The following KANK1 variants were observed in gnomAD, a reference collection of about 807,000 sequenced individuals.
KANK1 encodes KN motif and ankyrin repeat domains 1, also known as KN motif and ankyrin repeat domain-containing protein 1.
A neutral mutation model predicts 106.2 loss-of-function variants in KANK1; 109 were observed. That is an observed-to-expected ratio of 1.03 (90% confidence interval 0.88 to 1.20). The LOEUF (loss-of-function observed/expected upper bound fraction) is 1.20, where lower values mean the gene tolerates loss of function less well. KANK1 is among the 50% of genes most tolerant of loss of function. KANK1 has a pLI of 0.00. For missense variants in KANK1, 2,399 were observed against 1,710.7 expected, an observed-to-expected ratio of 1.40 and a Z score of -7.10; for synonymous variants, 873 against 652.2, an observed-to-expected ratio of 1.34 and a Z score of -5.16.
chr9:502,546 T>TTTTAGAC (rs1554722304), upstream of KANK1, among the ~76,000 whole-genome samples: 1 of 150,186 alleles, frequency 6.7e-6, no homozygotes, highest in African/African-American at 2.5e-5. Flanking sequence ...TTTTTTTTCT[T>TTTTAGAC]AGAGTCGTGC....
At chr9:507,446 A>G (rs116807930) in intron 1 of KANK1, among the ~76,000 whole-genome samples, 5,178 of 151,748 alleles carry the variant, frequency 0.034, 283 homozygotes, top group African/African-American at 0.12. Flanking sequence ...CTACAGTGCA[A>G]TGTCACAGTA....
intron 1 of KANK1, chr9:559,071 C>T (rs1157045199): frequency 6.6e-6 from 1 of 152,046 alleles, no homozygotes; most frequent in African/African-American, 2.4e-5. Context: ...ATTTTTTCAT[C>T]TTTATTTCTT....
In KANK1 at chr9:673,829, GC is replaced by G. The variant is rs1815796968; in HGVS notation, c.-83-3059del. 13 of 152,142 alleles carry G rather than the reference GC, an allele frequency of 8.5e-5. No individual in the cohort carries two copies. The South Asian group carries it at 2.7e-3, about 32-fold the overall frequency. 9.4% of individuals were successfully genotyped at this position (152,142 alleles called of 1,614,324 possible). ...AGGTTTTACATGGTGGTATTTACAA[GC>G]CGTTATGGAGCAAGAGTGCAAACAC... On this transcript the variant is annotated intron_variant, in intron 1 of 11. Coordinates refer to ENST00000382297, the MANE Select transcript of KANK1 (RefSeq NM_015158.5).
intron 1 of KANK1, among the ~76,000 whole-genome samples, chr9:544,133 A>C (rs887289835): frequency 6.6e-6 from 1 of 151,520 alleles, no homozygotes; most frequent in Non-Finnish European, 1.5e-5. Context: ...TGATCTTCCC[A>C]CCTCAGCCTC....
chr9:524,796 T>C (rs1310748133), intron 1 of KANK1, among the ~76,000 whole-genome samples: 1 of 151,234 alleles, frequency 6.6e-6, no homozygotes, highest in Non-Finnish European at 1.5e-5. Flanking sequence ...GGATTATGGG[T>C]GTGAGCCACC....
intron 1 of KANK1, among the ~76,000 whole-genome samples, chr9:671,793 C>T (rs1002125343): frequency 4.6e-5 from 7 of 151,506 alleles, no homozygotes; most frequent in Non-Finnish European, 1.0e-4. Context: ...ACTAAAAATG[C>T]AAAAATTAGC....
At chr9:693,036 T>G (rs1436151240) in intron 2 of KANK1, among the ~76,000 whole-genome samples, 1 of 152,050 alleles carries the variant, frequency 6.6e-6, no homozygotes, top group African/African-American at 2.4e-5. Context: ...GGTAATGAAT[T>G]TAAATCATTA....
chr9:644,514 C>T (rs778453960), intron 1 of KANK1, among the ~76,000 whole-genome samples: 1 of 151,074 alleles, frequency 6.6e-6, no homozygotes, highest in Non-Finnish European at 1.5e-5. Context: ...AAAGGGGAAG[C>T]AGGCACGTTT....
chr9:551,214 A>G (rs1286123308), intron 1 of KANK1, among the ~76,000 whole-genome samples: 2 of 151,434 alleles, frequency 1.3e-5, no homozygotes, highest in Non-Finnish European at 2.9e-5. Context: ...AAAAGTGGAA[A>G]GATGAAGAAT....
intron 10 of KANK1, among the ~76,000 whole-genome samples, chr9:743,976 T>G (rs1836453639): frequency 6.6e-6 from 1 of 152,220 alleles, no homozygotes; most frequent in Non-Finnish European, 1.5e-5. Flanking sequence ...TTTTCACCCA[T>G]ATGTAGTGTT....
chr9:498,191 G>C (rs560133880), intron 3 of KANK1, among the ~76,000 whole-genome samples: 1 of 152,320 alleles, frequency 6.6e-6, no homozygotes, highest in Non-Finnish European at 1.5e-5. Context: ...GGCTTGGGGA[G>C]ATTCAACAGT....
chr9:545,453 A>G lies in KANK1; in HGVS notation c.-84+40699A>G, dbSNP rs191770443. Among the ~76,000 whole-genome samples, 76 of 152,294 alleles carry G rather than the reference A, an allele frequency of 5.0e-4. 2 individuals carry two copies. Among genetic ancestry groups the G allele is most frequent in the Admixed American group, 4.9e-3 (75 of 15,294 alleles). Reference sequence around the variant, plus strand: ...GATAGTAACTGCAGCGGATGAGGTGATAAGATCACCTAGTTAGAGGTGGGG... The same window carrying G: ...GATAGTAACTGCAGCGGATGAGGTGGTAAGATCACCTAGTTAGAGGTGGGG... On this transcript the variant is annotated intron_variant, in intron 1 of 11. Coordinates refer to ENST00000382297, the MANE Select transcript of KANK1 (RefSeq NM_015158.5).
chr9:537,696 C>T (rs1172175812), intron 1 of KANK1, among the ~76,000 whole-genome samples: 2 of 152,092 alleles, frequency 1.3e-5, no homozygotes, highest in Non-Finnish European at 1.5e-5. Flanking sequence ...TCGATTTTTG[C>T]CCCCCAGGGG....
chr9:741,887 A>C (rs1232940209), intron 9 of KANK1, among the ~76,000 whole-genome samples: 1 of 152,058 alleles, frequency 6.6e-6, no homozygotes, highest in African/African-American at 2.4e-5. Context: ...CCAAAGTGCT[A>C]GGGTTACAGG....
chr9:569,410 CAG>C (rs974311071), intron 1 of KANK1, among the ~76,000 whole-genome samples: 4 of 151,876 alleles, frequency 2.6e-5, no homozygotes, highest in African/African-American at 7.3e-5. Context: ...AATGGGTTAT[CAG>C]GGGAGTAGGG....
At chr9:657,769 C>T (rs930576520) in intron 1 of KANK1, among the ~76,000 whole-genome samples, 1 of 152,060 alleles carries the variant, frequency 6.6e-6, no homozygotes, top group African/African-American at 2.4e-5. Context: ...AAAGCCCCTT[C>T]TAGGTCAGAC....
chr9:669,546 C>A (rs1484343161), intron 1 of KANK1, among the ~76,000 whole-genome samples: 1 of 152,090 alleles, frequency 6.6e-6, no homozygotes, highest in Non-Finnish European at 1.5e-5. Context: ...TTGAAAATAT[C>A]ATTCCACTTC....
Position 634,233 on chromosome 9 carries a change from C to T in KANK1, c.-83-42657C>T, listed in dbSNP as rs145496121. Among the ~76,000 whole-genome samples, 658 of 152,192 alleles carry T rather than the reference C, an allele frequency of 4.3e-3. 4 individuals are homozygous for T. The highest frequency in any genetic ancestry group is 5.5e-3 in the Non-Finnish European group (374 of 68,014). On this transcript the variant is annotated intron_variant, in intron 1 of 11. Transcript: ENST00000382297. Reference sequence around the variant, plus strand: ...GGCTCTTCAAGGATAGTTTGGTGAGCGGAGGACTTAGGGAATGGGTGCTGC... The same window carrying T: ...GGCTCTTCAAGGATAGTTTGGTGAGTGGAGGACTTAGGGAATGGGTGCTGC...
intron 3 of KANK1, among the ~76,000 whole-genome samples, chr9:487,161 G>A (rs2058307544): frequency 6.6e-6 from 1 of 152,200 alleles, no homozygotes; most frequent in African/African-American, 2.4e-5. Context: ...TTAGAAGGCT[G>A]CTCCTGCAAA....
Sources: allele counts gnomAD v4.1 joint callset (sites outside exome capture counted in the v4.1 genomes callset), GRCh38; gene constraint gnomAD v4.1.1; transcripts MANE v1.5; gene names NCBI Gene and HGNC (gene_info 2026-07-23, HGNC 2026-07-21).